The following GPR158 variants were observed in gnomAD, a reference collection of about 807,000 sequenced individuals.
GPR158 encodes the protein G protein-coupled receptor 158, also known as metabotropic glycine receptor.
Under a neutral mutation model 78.2 loss-of-function variants are expected in GPR158, and 30 were observed. The ratio of observed to expected loss-of-function variants is 0.38; its 90% confidence interval spans 0.29 to 0.52. The LOEUF (loss-of-function observed/expected upper bound fraction) is 0.52, where lower values mean the gene tolerates loss of function less well. Ranked by LOEUF, GPR158 falls within the 20% of genes least tolerant of loss-of-function variation. The pLI is 0.83. For synonymous variants in GPR158, 581 were observed against 591.1 expected (o/e 0.98, Z 0.25); for missense variants, 1,463 against 1,523.5 (o/e 0.96, Z 0.66).
intron 5 of GPR158, among the ~76,000 whole-genome samples, chr10:25,497,822 CT>C (rs1308561388): frequency 5.3e-5 from 8 of 152,098 alleles, no homozygotes; most frequent in African/African-American, 1.9e-4. Flanking sequence ...TACCCTTCTA[CT>C]TTTTTGTTGA....
At chr10:25,509,381 T>G (rs1836053995) in intron 5 of GPR158, among the ~76,000 whole-genome samples, 1 of 152,192 alleles carries the variant, frequency 6.6e-6, no homozygotes, top group African/African-American at 2.4e-5. Context: ...ATAAAACAGC[T>G]ACTTATTATG....
intron 1 of GPR158, among the ~76,000 whole-genome samples, chr10:25,181,145 C>A (rs1321077292): frequency 6.6e-6 from 1 of 152,142 alleles, no homozygotes; most frequent in Non-Finnish European, 1.5e-5. Flanking sequence ...CTTATAGGAG[C>A]TGAAAATGAT....
intron 5 of GPR158, among the ~76,000 whole-genome samples, chr10:25,492,465 T>C (rs191945769): frequency 2.0e-5 from 3 of 152,210 alleles, no homozygotes; most frequent in African/African-American, 7.2e-5. Context: ...GATGCACTGA[T>C]TGTCCACTGT....
At chr10:25,452,062 T>C (rs1260063828) in intron 4 of GPR158, among the ~76,000 whole-genome samples, 1 of 151,596 alleles carries the variant, frequency 6.6e-6, no homozygotes, top group Non-Finnish European at 1.5e-5. Context: ...TTTTGAGACA[T>C]GACCTTGCTC....
At chr10:25,498,419 T>C (rs1327675966) in intron 5 of GPR158, among the ~76,000 whole-genome samples, 2 of 152,176 alleles carry the variant, frequency 1.3e-5, no homozygotes, top group African/African-American at 4.8e-5. Flanking sequence ...ATTGGAAGCA[T>C]CTAAGACCTT....
chr10:25,175,774 G>C lies in GPR158; in HGVS notation c.354G>C (p.Ala118=), dbSNP rs761268623. 3.8e-5 allele frequency: 61 copies of C among 1,610,910 alleles called. No homozygotes were observed. The highest frequency in any genetic ancestry group is 3.9e-5 in the Non-Finnish European group (46 of 1,179,936). Residue 118 remains alanine, a synonymous_variant, in exon 1 of 11, where the codon GCG becomes GCC. Coordinates refer to ENST00000376351, the MANE Select transcript of GPR158 (RefSeq NM_020752.3). This position sits in a 1 kb window ranked among gnomAD's most constrained non-coding sequence, Gnocchi z 6.4. The stretch of plus-strand genomic sequence containing the variant: ...GGAAGTGGCCAGCCCTGGCCAGCGC[G>C]CACCCCTCCTTGCACCGGGCGCTGG... ...LPGKWPALAS[A]HPSLHRALDT...
intron 2 of GPR158, among the ~76,000 whole-genome samples, chr10:25,241,193 T>TCTTTC (rs368561518): frequency 0.011 from 1,074 of 101,474 alleles, 49 homozygotes; most frequent in African/African-American, 0.054. Context: ...TTCTTTCCTT[T>TCTTTC]CTTTCTTTCC....
chr10:25,214,034 G>T (rs768688849), intron 1 of GPR158, among the ~76,000 whole-genome samples: 5 of 151,778 alleles, frequency 3.3e-5, no homozygotes. Context: ...TCGCTCTATC[G>T]CCCAGGCTGG....
intron 2 of GPR158, among the ~76,000 whole-genome samples, chr10:25,284,819 T>C (rs1008725027): frequency 5.3e-5 from 8 of 152,130 alleles, no homozygotes; most frequent in African/African-American, 1.9e-4. Flanking sequence ...ACAATACGTA[T>C]CTTATTTACT....
At chr10:25,294,884 G>T (rs985701122) in intron 2 of GPR158, among the ~76,000 whole-genome samples, 1 of 152,186 alleles carries the variant, frequency 6.6e-6, no homozygotes, top group African/African-American at 2.4e-5. Context: ...CAGAATGTCT[G>T]CTTCTCAGAT....
At chr10:25,431,077 C>T (rs1364102636) in intron 4 of GPR158, among the ~76,000 whole-genome samples, 1 of 141,880 alleles carries the variant, frequency 7.0e-6, no homozygotes, top group Non-Finnish European at 1.5e-5. Context: ...GAACAGGCAA[C>T]CTACTAAATG....
At chr10:25,421,560 A>T (rs1450313699) in intron 4 of GPR158, among the ~76,000 whole-genome samples, 1 of 152,068 alleles carries the variant, frequency 6.6e-6, no homozygotes, top group Admixed American at 6.6e-5. Context: ...GCTGTACCCA[A>T]TATAGGATGA....
At chr10:25,397,622 G>A (rs1588844441) in intron 3 of GPR158, among the ~76,000 whole-genome samples, 7 of 152,238 alleles carry the variant, frequency 4.6e-5, no homozygotes, top group African/African-American at 1.7e-4. Flanking sequence ...TCTTGAGACT[G>A]TTTACATTTA....
At chr10:25,410,518 A>C (rs1387983651) in intron 3 of GPR158, among the ~76,000 whole-genome samples, 2 of 152,174 alleles carry the variant, frequency 1.3e-5, no homozygotes, top group Admixed American at 1.3e-4. Flanking sequence ...CAGGAAGCCG[A>C]GGCAGGAGAA....
intron 6 of GPR158, among the ~76,000 whole-genome samples, chr10:25,565,895 A>T (rs1347839196): frequency 6.6e-6 from 1 of 152,164 alleles, no homozygotes; most frequent in African/African-American, 2.4e-5. Flanking sequence ...CACAGTGTGG[A>T]AGGGGTCTCG....
intron 1 of GPR158, among the ~76,000 whole-genome samples, chr10:25,192,259 G>A (rs1002231575): frequency 1.3e-5 from 2 of 152,166 alleles, no homozygotes; most frequent in Non-Finnish European, 2.9e-5. Context: ...AAGGTGCCTT[G>A]CTTCTCCTTC....
intron 1 of GPR158, among the ~76,000 whole-genome samples, chr10:25,188,672 T>TA (rs1214422639): frequency 2.0e-5 from 3 of 152,080 alleles, no homozygotes; most frequent in Non-Finnish European, 4.4e-5. Flanking sequence ...CCTAAAACCA[T>TA]AAAAACCCTT....
intron 2 of GPR158, among the ~76,000 whole-genome samples, chr10:25,379,171 A>G (rs1263864167): frequency 6.6e-6 from 1 of 152,280 alleles, no homozygotes. Flanking sequence ...ACCATCTTCT[A>G]TCATCAATAT....
At chr10:25,346,459 A>T (rs573036876) in intron 2 of GPR158, among the ~76,000 whole-genome samples, 2 of 152,048 alleles carry the variant, frequency 1.3e-5, no homozygotes, top group South Asian at 2.1e-4. Flanking sequence ...TTCATAATTT[A>T]AAAAATATTT....
Sources: gnomAD v4.1 joint callset for allele counts (sites outside exome capture counted in the v4.1 genomes callset) on GRCh38, gnomAD v4.1.1 for gene constraint, Gnocchi (gnomAD v3.1) non-coding constraint, MANE v1.5 for transcripts, NCBI Gene and HGNC (gene_info 2026-07-23, HGNC 2026-07-21) for gene names.